NOL4: variants seen among roughly 807,000 people sequenced by gnomAD.
The protein encoded by NOL4 is cancer/testis antigen 125.
NOL4 carries 17 observed loss-of-function variants against 75.9 expected under a neutral mutation model. That is an observed-to-expected ratio of 0.22 (90% CI 0.15 to 0.34). The LOEUF (loss-of-function observed/expected upper bound fraction) is 0.34, where lower values mean the gene tolerates loss of function less well. Ranked by LOEUF, NOL4 falls within the 10% of genes least tolerant of loss-of-function variation. NOL4 has a pLI of 1.00. For missense variants in NOL4, 614 were observed against 793.5 expected (o/e 0.77, Z 2.72); for synonymous variants, 292 against 289.9 (o/e 1.01, Z -0.07).
At chr18:34,136,067 T>C (rs1033966645) in intron 1 of NOL4, among the ~76,000 whole-genome samples, 2 of 152,092 alleles carry the variant, frequency 1.3e-5, no homozygotes, top group Non-Finnish European at 2.9e-5. Context: ...ATCATATTAA[T>C]ACAATAAAGG....
chr18:33,937,583 A>G (rs972511679), intron 9 of NOL4, among the ~76,000 whole-genome samples: 2 of 152,096 alleles, frequency 1.3e-5, no homozygotes, highest in Admixed American at 1.3e-4. Flanking sequence ...TTAAGAATGC[A>G]CACAGGAAGA....
rs145702184 is a variant in NOL4, at chr18:34,040,694, T to C, written c.773-21093A>G. 2.5e-3 allele frequency among the ~76,000 whole-genome samples: 384 copies of C among 151,896 alleles called. 1 individual carries two copies. Among genetic ancestry groups the C allele is most frequent in the African/African-American group, 8.5e-3 (351 of 41,478 alleles). On this transcript the variant is annotated intron_variant, in intron 5 of 10. Transcript: ENST00000261592. ...CCTTATGCTGCAGGGATAAGAAAAA[T>C]GAGTCAATTGTATCATTTAATGGAA...
At chr18:33,955,358 G>A (rs2069568051) in intron 8 of NOL4, among the ~76,000 whole-genome samples, 1 of 151,976 alleles carries the variant, frequency 6.6e-6, no homozygotes, top group African/African-American at 2.4e-5. Flanking sequence ...TGTGAGCTGT[G>A]TTTGACAAAT....
intron 6 of NOL4, among the ~76,000 whole-genome samples, chr18:34,013,135 C>T (rs962290719): frequency 1.3e-5 from 2 of 151,892 alleles, no homozygotes; most frequent in African/African-American, 4.8e-5. Flanking sequence ...GAAAGCATTA[C>T]ACAATATTCA....
intron 9 of NOL4, among the ~76,000 whole-genome samples, chr18:33,928,623 T>C (rs1310968331): frequency 6.6e-6 from 1 of 152,166 alleles, no homozygotes; most frequent in Non-Finnish European, 1.5e-5. Flanking sequence ...CAGATATATA[T>C]TGATATATCA....
chr18:33,932,741 T>C (rs2067784008), intron 9 of NOL4, among the ~76,000 whole-genome samples: 1 of 151,976 alleles, frequency 6.6e-6, no homozygotes, highest in South Asian at 2.1e-4. Context: ...GTCATGAGGA[T>C]TGGATCAAAA....
intron 10 of NOL4, among the ~76,000 whole-genome samples, chr18:33,882,007 G>C (rs1299825078): frequency 1.3e-5 from 2 of 152,170 alleles, no homozygotes; most frequent in Admixed American, 6.5e-5. Flanking sequence ...GCCATATGTA[G>C]AAAGCTGAAA....
chr18:33,986,891 T>C (rs2072503504), intron 6 of NOL4, among the ~76,000 whole-genome samples: 1 of 152,042 alleles, frequency 6.6e-6, no homozygotes, highest in African/African-American at 2.4e-5. Context: ...GGTAAATAAA[T>C]TGTGGTAGAT....
At chr18:34,191,439 A>C (rs974369816) in intron 1 of NOL4, among the ~76,000 whole-genome samples, 4 of 152,152 alleles carry the variant, frequency 2.6e-5, no homozygotes, top group Non-Finnish European at 1.5e-5. Flanking sequence ...TTTCATATAC[A>C]AAAAGTTCCA....
intron 1 of NOL4, among the ~76,000 whole-genome samples, chr18:34,142,377 C>T (rs1191871686): frequency 3.9e-5 from 6 of 152,158 alleles, no homozygotes; most frequent in Non-Finnish European, 5.9e-5. Context: ...AAGACATATG[C>T]ACATGTATGT....
intron 1 of NOL4, among the ~76,000 whole-genome samples, chr18:34,152,113 C>T (rs1600733855): frequency 6.6e-6 from 1 of 151,504 alleles, no homozygotes; most frequent in East Asian, 1.9e-4. Context: ...AAATAAAAAT[C>T]TGCCAAGGAT....
At chr18:34,109,212 C>T (rs9957255) in intron 2 of NOL4, among the ~76,000 whole-genome samples, 29 of 151,512 alleles carry the variant, frequency 1.9e-4, no homozygotes, top group African/African-American at 6.8e-4. Context: ...GCAATAAATG[C>T]CACATTAAAA....
rs1341268351 is a variant in NOL4 at position 33,851,252 on chromosome 18, T to C, written c.*1590A>G. On this transcript the variant is annotated 3_prime_UTR_variant, in exon 11 of 11. Transcript: ENST00000261592. ...CTATGTATTTCCAAAATACTCATAT[T>C]TCAATAAGATTTTTCACATTATATT... is the stretch of plus-strand genomic sequence containing the variant. The C allele has an allele frequency of 6.6e-6, 1 of 152,532 alleles. No homozygotes were observed. The highest frequency in any genetic ancestry group is 1.5e-5 in the Non-Finnish European group (1 of 67,996). 9.4% of individuals were successfully genotyped at this position (152,532 alleles called of 1,614,324 possible). A position where few individuals can be genotyped will look rare whatever the true frequency, so the allele number is the denominator to read the frequency against.
At chr18:33,905,695 A>G (rs2065994652) in intron 9 of NOL4, among the ~76,000 whole-genome samples, 1 of 152,152 alleles carries the variant, frequency 6.6e-6, no homozygotes, top group South Asian at 2.1e-4. Context: ...GGGTATATAG[A>G]GTACAACTAT....
At chr18:33,871,289 G>A (rs1493922) in intron 10 of NOL4, among the ~76,000 whole-genome samples, 64,050 of 151,702 alleles carry the variant, frequency 0.42, 13,807 homozygotes, top group African/African-American at 0.5. Context: ...CAAGCTCTTT[G>A]GTGGAGGTAG....
At chr18:33,926,915 G>C (rs570436649) in intron 9 of NOL4, among the ~76,000 whole-genome samples, 4 of 152,058 alleles carry the variant, frequency 2.6e-5, no homozygotes, top group Non-Finnish European at 5.9e-5. Flanking sequence ...TTTTCCTCTA[G>C]AAACTTTTCA....
chr18:33,903,445 C>A (rs1198804529), intron 9 of NOL4, among the ~76,000 whole-genome samples: 2 of 152,068 alleles, frequency 1.3e-5, no homozygotes, highest in Non-Finnish European at 2.9e-5. Context: ...TACTATTAAG[C>A]AATCCTTGTG....
chr18:34,022,452 C>T (rs560645305), intron 5 of NOL4, among the ~76,000 whole-genome samples: 28 of 152,056 alleles, frequency 1.8e-4, no homozygotes, highest in Middle Eastern at 3.5e-3. Context: ...CATGAAATGT[C>T]TAGGGTTTCT....
chr18:34,073,539 T>C (rs2077611682), intron 5 of NOL4, among the ~76,000 whole-genome samples: 1 of 152,008 alleles, frequency 6.6e-6, no homozygotes, highest in Non-Finnish European at 1.5e-5. Context: ...TATTATATTG[T>C]TTAGGGAATA....
Sources: allele counts gnomAD v4.1 joint callset (sites outside exome capture counted in the v4.1 genomes callset), GRCh38; gene constraint gnomAD v4.1.1; transcripts MANE v1.5; gene names NCBI Gene and HGNC (gene_info 2026-07-23, HGNC 2026-07-21).